TUB: variants seen among roughly 807,000 people sequenced by gnomAD.
The protein encoded by TUB is TUB bipartite transcription factor.
TUB carries 33 observed loss-of-function variants against 59.7 expected under a neutral mutation model. The ratio of observed to expected loss-of-function variants is 0.55; its 90% CI spans 0.42 to 0.74. TUB has a LOEUF of 0.74. Ranked by LOEUF, TUB falls within the 30% of genes least tolerant of loss-of-function variation. The pLI, the probability that TUB is intolerant of heterozygous loss-of-function variation, is 0.00. For synonymous variants in TUB, 293 were observed against 256.4 expected (o/e 1.14, Z -1.36); for missense variants, 659 against 672.0 (o/e 0.98, Z 0.21).
chr11:8,021,305 C>CA (rs1446393819), intron 1 of TUB, among the ~76,000 whole-genome samples: 3 of 151,928 alleles, frequency 2.0e-5, no homozygotes, highest in Admixed American at 2.0e-4. Context: ...ACTACAAATA[C>CA]AAAAAACAAA....
intron 2 of TUB, among the ~76,000 whole-genome samples, chr11:8,075,283 T>C (rs1943431054): frequency 6.6e-6 from 1 of 152,270 alleles, no homozygotes; most frequent in African/African-American, 2.4e-5. Context: ...GTCAAAGGGC[T>C]AAGGCGCCCA....
intron 9 of TUB, among the ~76,000 whole-genome samples, chr11:8,099,657 C>T (rs1024975803): frequency 2.6e-5 from 4 of 152,182 alleles, no homozygotes; most frequent in African/African-American, 9.7e-5. Flanking sequence ...TGAAACAGAT[C>T]TATCAGTGAA....
chr11:8,028,921 A>G (rs1011615906), intron 1 of TUB, among the ~76,000 whole-genome samples: 1 of 152,174 alleles, frequency 6.6e-6, no homozygotes, highest in African/African-American at 2.4e-5. Flanking sequence ...CTGAGGTGAG[A>G]AGATCACCTG....
chr11:8,098,947 G>GGGCTATCC lies in TUB; in HGVS notation c.1116+73_1116+80dup, dbSNP rs201638590. The GGGCTATCC allele has an allele frequency of 1.5e-3, 1,734 of 1,118,760 alleles. 24 individuals are homozygous for GGGCTATCC. In the African/African-American group the frequency reaches 0.024, roughly 16 times the overall value. The allele number at this position is 1,118,760 out of a possible 1,614,324, so 69.3% of individuals were successfully genotyped here. On this transcript the variant is annotated intron_variant, in intron 9 of 11. Coordinates refer to ENST00000299506, the MANE Select transcript of TUB (RefSeq NM_177972.3). Reference sequence around the variant, plus strand: ...ATCCAGGACTTGATGCCTGATCTAGGGGCTATCCCATCCATCTTAGTGGGT... The same window carrying GGGCTATCC: ...ATCCAGGACTTGATGCCTGATCTAGGGGCTATCCGGCTATCCCATCCATCTTAGTGGGT...
upstream of TUB, among the ~76,000 whole-genome samples, chr11:8,078,952 C>T (rs745622320): frequency 2.8e-4 from 42 of 152,094 alleles, no homozygotes; most frequent in Admixed American, 7.2e-4. Context: ...CATACACTGG[C>T]GCTCAGTCCC....
chr11:8,079,076 C>T (rs1943498881), upstream of TUB, among the ~76,000 whole-genome samples: 1 of 152,120 alleles, frequency 6.6e-6, no homozygotes, highest in Non-Finnish European at 1.5e-5. Flanking sequence ...AGGACAGAGC[C>T]TAAACTGTCT....
upstream of TUB, among the ~76,000 whole-genome samples, chr11:8,036,388 C>A (rs1190229023): frequency 1.3e-5 from 2 of 152,206 alleles, no homozygotes; most frequent in African/African-American, 4.8e-5. Context: ...ATGCACTCTG[C>A]CACTTAAATT....
rs1944403484 is a variant in TUB at position 8,103,786 on chromosome 11, C to T, written c.*2167C>T. 1.3e-5 allele frequency: 2 copies of T among 152,642 alleles called. No homozygotes were observed. Among genetic ancestry groups the T allele is most frequent in the African/African-American group, 2.4e-5 (1 of 41,454 alleles). 9.5% of individuals were successfully genotyped at this position (152,642 alleles called of 1,614,324 possible). A position where few individuals can be genotyped will look rare whatever the true frequency, so the allele number is the denominator to read the frequency against. On this transcript the variant is annotated 3_prime_UTR_variant, in exon 12 of 12. Transcript: ENST00000299506. The stretch of plus-strand genomic sequence containing the variant: ...TCTCTAATGTTAGGTCAAGCTATTT[C>T]TCTGGATCTATGATTTTAAGATAGA...
At chr11:8,039,687 C>A (rs1449149039) in exon 2 of TUB, 3 of 1,532,334 alleles carry the variant, frequency 2.0e-6, no homozygotes, top group Admixed American at 2.0e-5. Flanking sequence ...GAAGGGAGAT[C>A]GCTCGGTGAG....
chr11:8,069,974 G>A (rs551582719), intron 2 of TUB, among the ~76,000 whole-genome samples: 153 of 152,338 alleles, frequency 1.0e-3, no homozygotes, highest in African/African-American at 3.3e-3. Context: ...CAGGATGGCC[G>A]CACCGTGTGG....
At chr11:8,042,122 G>T (rs902677354) in intron 2 of TUB, among the ~76,000 whole-genome samples, 3 of 150,792 alleles carry the variant, frequency 2.0e-5, no homozygotes, top group Admixed American at 1.3e-4. Flanking sequence ...CCCATTTGCA[G>T]TCTCCCCCTT....
At chr11:8,040,235 T>C (rs983417140) in intron 2 of TUB, among the ~76,000 whole-genome samples, 6 of 152,256 alleles carry the variant, frequency 3.9e-5, no homozygotes, top group African/African-American at 1.4e-4. Context: ...ATTTGTTGTT[T>C]ACACATGTTG....
At chr11:8,039,805 C>A (rs542913100) in intron 2 of TUB, 3 of 783,758 alleles carry the variant, frequency 3.8e-6, no homozygotes, top group East Asian at 6.5e-5. Context: ...ACCCCATATG[C>A]GCCTGGGAGT....
chr11:8,061,196 T>C (rs944924214), intron 2 of TUB, among the ~76,000 whole-genome samples: 2 of 152,212 alleles, frequency 1.3e-5, no homozygotes, highest in Admixed American at 1.3e-4. Context: ...ATTTCCTCCT[T>C]CCTTGGGCCT....
rs7396690 is a variant in TUB at position 8,094,215 on chromosome 11, C to G, written c.397+26C>G. 1,450,679 of 1,589,628 alleles carry G rather than the reference C, an allele frequency of 0.91. 670,145 individuals carry two copies. Among genetic ancestry groups the G allele is most frequent in the South Asian group, 0.97 (84,405 of 86,948 alleles). ...GTCAGCTCACATTCTCTACAGCCCTCCCCAGCAGGCCTGGCCTCCACTGTA... is the reference window on the plus strand; with the variant it reads ...GTCAGCTCACATTCTCTACAGCCCTGCCCAGCAGGCCTGGCCTCCACTGTA... On this transcript the variant is annotated intron_variant, in intron 4 of 11. Coordinates refer to ENST00000299506, the MANE Select transcript of TUB (RefSeq NM_177972.3).
rs1401540000 is a variant in TUB at position 8,097,888 on chromosome 11, G to A, written c.998+62G>A. ...AGGGAGGGGCAGGGGCAAGCTGTCT[G>A]TAGAGGGCCTGAATCTTCCTGAAGG... On this transcript the variant is annotated intron_variant, in intron 8 of 11. Coordinates refer to ENST00000299506, the MANE Select transcript of TUB (RefSeq NM_177972.3). 6.1e-6 allele frequency: 8 copies of A among 1,302,442 alleles called. No individual in the cohort carries two copies. The South Asian group carries it at 1.0e-4, about 16-fold the overall frequency. 80.7% of individuals were successfully genotyped at this position (1,302,442 alleles called of 1,614,324 possible).
At position 8,102,497 on chromosome 11, in the gene TUB, T is replaced by TG. The variant is rs1944349435; in HGVS notation, c.*882dup. On this transcript the variant is annotated 3_prime_UTR_variant, in exon 12 of 12. Transcript: ENST00000299506. Reference sequence around the variant, plus strand: ...CAGCACAACCCCCAGGAAACACAAATGGGGTCCAGGTCACCAGCCTGACTG... The same window carrying TG: ...CAGCACAACCCCCAGGAAACACAAATGGGGGTCCAGGTCACCAGCCTGACTG... The TG allele has an allele frequency of 6.6e-6, 1 of 152,186 alleles. No homozygotes were observed. Among genetic ancestry groups the TG allele is most frequent in the African/African-American group, 2.4e-5 (1 of 41,408 alleles). The allele number at this position is 152,186 out of a possible 1,614,324, so 9.4% of individuals were successfully genotyped here.
intron 2 of TUB, among the ~76,000 whole-genome samples, chr11:8,070,877 T>C (rs2133795509): frequency 6.6e-6 from 1 of 152,256 alleles, no homozygotes; most frequent in East Asian, 1.9e-4. Flanking sequence ...AGTGAAGGAT[T>C]TGAAGCAGCA....
intron 2 of TUB, among the ~76,000 whole-genome samples, chr11:8,046,046 T>C (rs1219818296): frequency 1.3e-5 from 2 of 152,226 alleles, no homozygotes. Context: ...GGAAGCCCTC[T>C]ACAGGCCTCC....
Sources: allele counts gnomAD v4.1 joint callset (sites outside exome capture counted in the v4.1 genomes callset), GRCh38; gene constraint gnomAD v4.1.1; transcripts MANE v1.5; gene names NCBI Gene and HGNC (gene_info 2026-07-23, HGNC 2026-07-21).